ZNF195: variants seen among roughly 807,000 people sequenced by gnomAD.
The protein encoded by ZNF195 is zinc finger protein 195.
In ZNF195, 11 loss-of-function variants were observed where a neutral mutation model predicts 19.5. That is an observed-to-expected ratio of 0.57 (90% CI 0.36 to 0.94). ZNF195 has a LOEUF of 0.94. Among genes scored for constraint, ZNF195 ranks in the 40% least tolerant of loss-of-function variants. The probability of loss-of-function intolerance (pLI) is 0.01; values close to 1 mark genes in which losing one functional copy is unlikely to be tolerated. For synonymous variants in ZNF195, 214 were observed against 248.1 expected (o/e 0.86, Z 1.29); for missense variants, 582 against 709.0 (o/e 0.82, Z 2.03).
intron 2 of ZNF195, among the ~76,000 whole-genome samples, 190 bp downstream of exon 2, chr11:3,371,387 G>A (rs1849202662): frequency 6.6e-6 from 1 of 151,284 alleles, no homozygotes; most frequent in Admixed American, 6.6e-5. Context: ...AAAAAGGAAG[G>A]TTTATGTCAA....
intron 3 of ZNF195, chr11:3,369,266 T>C (rs993102653): frequency 1.4e-4 from 32 of 234,830 alleles, no homozygotes; most frequent in African/African-American, 6.6e-4. Context: ...GAAAAAACAA[T>C]TCTGAACGCT....
chr11:3,361,200 A>G (rs371046271), intron 4 of ZNF195, among the ~76,000 whole-genome samples: 1 of 152,294 alleles, frequency 6.6e-6, no homozygotes, highest in African/African-American at 2.4e-5. Flanking sequence ...ACATCCCAGA[A>G]CAGGCTTAAG....
intron 3 of ZNF195, chr11:3,367,063 T>TAA (rs745424546): frequency 1.6e-3 from 240 of 148,298 alleles, no homozygotes; most frequent in South Asian, 3.0e-3. Context: ...AAACTCTGTG[T>TAA]AAAAAAAAAA....
rs200706241 is a variant in ZNF195, at chr11:3,371,301, AG to A, written c.131-232del. 4.4e-3 allele frequency among the ~76,000 whole-genome samples: 668 copies of A among 152,326 alleles called. 5 individuals are homozygous for A. The highest frequency in any genetic ancestry group is 0.015 in the African/African-American group (607 of 41,580). Reference sequence around the variant, plus strand: ...AATTGGTGGTGGAAATTTGACTTTAAGTTGTGGGCAACAATATTTCATGCCA... The same window carrying A: ...AATTGGTGGTGGAAATTTGACTTTAATTGTGGGCAACAATATTTCATGCCA... On this transcript the variant is annotated intron_variant, in intron 2 of 5. Transcript: ENST00000399602.
chr11:3,373,688 T>C (rs2133730416), intron 1 of ZNF195: 2 of 1,499,778 alleles, frequency 1.3e-6, no homozygotes, highest in African/African-American at 1.4e-5. Flanking sequence ...TTAAAGGTGT[T>C]AGCACAACCC....
In ZNF195 at chr11:3,371,678, G is replaced by A; in HGVS notation, c.29C>T (p.Ala10Val). MTLLTFRDV[A>V]IEFSLEEWKC... ...CCACTCCTCCAGGGAGAATTCTATG[G>A]CCACATCCCTGAACGTCAACAGAGT... is the stretch of plus-strand genomic sequence containing the variant. The change falls in exon 2 of 6, where the codon GCC becomes GTC. Residue 10 changes from alanine (A) to valine (V), a missense_variant. This residue lies in a region of ZNF195 where 46 missense variants were observed against 66.5 expected (regional missense o/e 0.69). Coordinates refer to ENST00000399602, the MANE Select transcript of ZNF195 (RefSeq NM_001130520.3). 2 of 1,611,216 alleles carry A rather than the reference G, an allele frequency of 1.2e-6. No homozygotes were observed. The highest frequency in any genetic ancestry group is 1.1e-5 in the South Asian group (1 of 90,774).
At position 3,359,905 on chromosome 11, in the gene ZNF195, C is replaced by T; in HGVS notation, c.1103G>A (p.Ser368Asn). 2 of 1,614,194 alleles carry T rather than the reference C, an allele frequency of 1.2e-6. No individual in the cohort carries two copies. The highest frequency in any genetic ancestry group is 1.7e-6 in the Non-Finnish European group (2 of 1,180,040). The stretch of plus-strand genomic sequence containing the variant: ...AAGAATCATCTGTTGATTAGAAAGG[C>T]TTGAGCAAGAGATAAAGACACTGCT... ...ECSSVFISCS[S>N]LSNQQMILAG... is the part of the protein sequence containing the mutation. The change falls in exon 6 of 6, where the codon AGC (serine) becomes AAC (asparagine). Residue 368 changes from serine to asparagine, a missense_variant. Transcript: ENST00000399602. This position sits in a 1 kb window ranked among gnomAD's most constrained non-coding sequence, Gnocchi z 5.5.
intron 3 of ZNF195, among the ~76,000 whole-genome samples, chr11:3,367,703 T>G (rs1343364304): frequency 1.3e-5 from 2 of 152,072 alleles, no homozygotes. Flanking sequence ...GAGTCACTGA[T>G]ATATAAAATA....
chr11:3,368,708 A>C (rs1849026531), intron 3 of ZNF195: 1 of 355,710 alleles, frequency 2.8e-6, no homozygotes, highest in African/African-American at 2.1e-5. Context: ...ACAGGATGGT[A>C]TGCGAACAGA....
chr11:3,365,367 T>C (rs1292676184), intron 3 of ZNF195, among the ~76,000 whole-genome samples: 1 of 152,234 alleles, frequency 6.6e-6, no homozygotes, highest in African/African-American at 2.4e-5. Flanking sequence ...ACATAGTGCA[T>C]TGTGTTACAA....
chr11:3,359,228 T>C lies in ZNF195; in HGVS notation c.1780A>G (p.Ile594Val). The C allele has an allele frequency of 6.2e-7, 1 of 1,614,174 alleles. No homozygotes were observed. The highest frequency in any genetic ancestry group is 1.1e-5 in the South Asian group (1 of 91,080). Residue 594 changes from isoleucine (I) to valine (V), a missense_variant, in exon 6 of 6, where the codon ATT (isoleucine) becomes GTT (valine). Ile to Val is a conservative substitution (Grantham distance 29). Around this residue, in one of 3 missense-constraint regions of ZNF195, gnomAD observed 407 missense variants for 530.5 expected, o/e 0.77. Coordinates refer to ENST00000399602, the MANE Select transcript of ZNF195 (RefSeq NM_001130520.3). This position sits in a 1 kb window ranked among gnomAD's most constrained non-coding sequence, Gnocchi z 5.5. ...GKNFTQSSNLIVHKRIHTGEK... is the reference protein window; with the variant it reads ...GKNFTQSSNLVVHKRIHTGEK... ...CCAGTATGAATTCTCTTATGTACAA[T>C]AAGGTTTGAGGACTGGGTAAAGTTT...
At chr11:3,374,658 G>T (rs1326212674) in intron 1 of ZNF195, among the ~76,000 whole-genome samples, 1 of 152,230 alleles carries the variant, frequency 6.6e-6, no homozygotes, top group African/African-American at 2.4e-5. Flanking sequence ...CAAGTGTCCT[G>T]CAACTCTCAA....
rs1848525935 is a variant in ZNF195, at chr11:3,359,516, C to T, written c.1492G>A (p.Glu498Lys). Reference sequence around the variant, plus strand: ...AACTGCTTAAAGATGTTGCCACATTCTTCACACGTGTAGGGTTTTTCTTCA... The same window carrying T: ...AACTGCTTAAAGATGTTGCCACATTTTTCACACGTGTAGGGTTTTTCTTCA... ...HSEEKPYTCEECGNIFKQLSD... is the reference protein window; with the variant it reads ...HSEEKPYTCEKCGNIFKQLSD... Residue 498 changes from glutamate (E) to lysine (K), a missense_variant, in exon 6 of 6, where the codon GAA becomes AAA. Physicochemically the swap from Glu to Lys is moderately conservative, Grantham distance 56 (BLOSUM62 1). Transcript: ENST00000399602. This position sits in a 1 kb window ranked among gnomAD's most constrained non-coding sequence, Gnocchi z 5.5. 1 of 1,614,176 alleles carries T rather than the reference C, an allele frequency of 6.2e-7. No individual in the cohort carries two copies. The highest frequency in any genetic ancestry group is 8.5e-7 in the Non-Finnish European group (1 of 1,180,030).
intron 2 of ZNF195, among the ~76,000 whole-genome samples, 159 bp downstream of exon 2, chr11:3,371,418 T>G (rs1012626901): frequency 2.7e-3 from 46 of 17,260 alleles, no homozygotes; most frequent in Non-Finnish European, 1.1e-3. Flanking sequence ...ATTTTGAAGA[T>G]TTTTTTTTTT....
At position 3,358,547 on chromosome 11, in the gene ZNF195, A is replaced by G. The variant is rs1244670267; in HGVS notation, c.*571T>C. On this transcript the variant is annotated 3_prime_UTR_variant, in exon 6 of 6. Transcript: ENST00000399602. ...TTTCACATCAGCACTAGAAATGAAG[A>G]CACAGCATCTACTGATTTGAGAATA... 6.6e-6 allele frequency: 1 copy of G among 152,262 alleles called. No individual in the cohort carries two copies. Among genetic ancestry groups the G allele is most frequent in the Admixed American group, 6.5e-5 (1 of 15,284 alleles). 9.4% of individuals were successfully genotyped at this position (152,262 alleles called of 1,614,324 possible). A position where few individuals can be genotyped will look rare whatever the true frequency, so the allele number is the denominator to read the frequency against.
At chr11:3,373,663 C>T (rs1326800365) in intron 1 of ZNF195, 21 of 1,544,452 alleles carry the variant, frequency 1.4e-5, no homozygotes, top group Non-Finnish European at 1.7e-5. Context: ...ACACCTGCAT[C>T]GTGAGAATAT....
rs569579741 is a variant in ZNF195 at position 3,360,829 on chromosome 11, C to A, written c.374-41G>T. ...GAAGAAAAACAGTCTGTTACGTTTA[C>A]CCACTGCAGCCCCCGCTCCTCCGCA... On this transcript the variant is annotated intron_variant, in intron 4 of 5. Transcript: ENST00000399602. 1.2e-5 allele frequency: 19 copies of A among 1,532,200 alleles called. No homozygotes were observed. The East Asian group carries it at 4.4e-4, about 36-fold the overall frequency. The allele number at this position is 1,532,200 out of a possible 1,614,324, so 94.9% of individuals were successfully genotyped here. A position where few individuals can be genotyped will look rare whatever the true frequency, so the allele number is the denominator to read the frequency against.
rs1280590670 is a variant in ZNF195 at position 3,359,891 on chromosome 11, G to A, written c.1117C>T (p.Gln373Ter). The A allele has an allele frequency of 6.2e-7, 1 of 1,613,792 alleles. No homozygotes were observed. Among genetic ancestry groups the A allele is most frequent in the African/African-American group, 1.3e-5 (1 of 74,822 alleles). The change falls in exon 6 of 6, where the codon CAG becomes TAG. Residue 373 changes from glutamine (Q) to a stop codon, truncating the protein, a stop_gained. Coordinates refer to ENST00000399602, the MANE Select transcript of ZNF195 (RefSeq NM_001130520.3). LOFTEE classifies it low-confidence loss of function (END_TRUNC). The surrounding 1 kb of genome is among the most constrained non-coding windows in gnomAD (Gnocchi z 5.5). Reference protein sequence around the residue: ...FISCSSLSNQQMILAGEKLSK... With the variant: ...FISCSSLSNQ ...AGCTTCTCTCCAGCAAGAATCATCTGTTGATTAGAAAGGCTTGAGCAAGAG... is the reference window on the plus strand; with the variant it reads ...AGCTTCTCTCCAGCAAGAATCATCTATTGATTAGAAAGGCTTGAGCAAGAG...
chr11:3,359,606 A>G lies in ZNF195; in HGVS notation c.1402T>C (p.Cys468Arg). ...CTGAAGACCTTCCCACATTCTTCACATTGGTAGGGTTTCTCTCCGGTGTGA... is the reference window on the plus strand; with the variant it reads ...CTGAAGACCTTCCCACATTCTTCACGTTGGTAGGGTTTCTCTCCGGTGTGA... ...RIHTGEKPYQCEECGKVFRTC... is the reference protein window; with the variant it reads ...RIHTGEKPYQREECGKVFRTC... The change falls in exon 6 of 6, where the codon TGT (cysteine) becomes CGT (arginine). Residue 468 changes from cysteine (C) to arginine (R), a missense_variant. Physicochemically the swap from Cys to Arg is radical, Grantham distance 180 (BLOSUM62 -3). Coordinates refer to ENST00000399602, the MANE Select transcript of ZNF195 (RefSeq NM_001130520.3). The surrounding 1 kb of genome is among the most constrained non-coding windows in gnomAD (Gnocchi z 5.5). 6.2e-7 allele frequency: 1 copy of G among 1,614,066 alleles called. No homozygotes were observed. The highest frequency in any genetic ancestry group is 2.2e-5 in the East Asian group (1 of 44,878).
Sources: allele counts gnomAD v4.1 joint callset (sites outside exome capture counted in the v4.1 genomes callset), GRCh38; gene constraint gnomAD v4.1.1; regional missense constraint gnomAD v4.1.1; non-coding constraint Gnocchi (gnomAD v3.1); transcripts MANE v1.5; gene names NCBI Gene and HGNC (gene_info 2026-07-23, HGNC 2026-07-21).